HSD11B1: variants seen among roughly 807,000 people sequenced by gnomAD.
HSD11B1 encodes the protein hydroxysteroid 11-beta dehydrogenase 1.
Under a neutral mutation model 22.1 loss-of-function variants are expected in HSD11B1, and 15 were observed. The observed-to-expected ratio is 0.68, with a 90% confidence interval of 0.45 to 1.04. The LOEUF (loss-of-function observed/expected upper bound fraction) is 1.04. Ranked by LOEUF, HSD11B1 falls within the 50% of genes least tolerant of loss-of-function variation. HSD11B1 has a pLI of 0.00. For synonymous variants in HSD11B1, 122 were observed against 125.2 expected (o/e 0.97, Z 0.17); for missense variants, 281 against 357.6 (o/e 0.79, Z 1.73).
At chr1:209,718,702 T>A (rs916076497) in intron 4 of HSD11B1, among the ~76,000 whole-genome samples, 1 of 152,112 alleles carries the variant, frequency 6.6e-6, no homozygotes, top group Non-Finnish European at 1.5e-5. Context: ...AATTATCATG[T>A]GATCCAGCCA....
At position 209,721,885 on chromosome 1, in the gene HSD11B1, T is replaced by C. The variant is rs577915879; in HGVS notation, c.518-10551T>C. 1.1e-3 allele frequency among the ~76,000 whole-genome samples: 174 copies of C among 152,292 alleles called. 1 individual carries two copies. The highest frequency in any genetic ancestry group is 4.0e-3 in the African/African-American group (166 of 41,560). On this transcript the variant is annotated intron_variant, in intron 4 of 5. Coordinates refer to ENST00000367027, the MANE Select transcript of HSD11B1 (RefSeq NM_005525.4). ...GTTGCCTTTAGACTTTAGATGTGAG[T>C]CAAATTCCAGTCCCTGAACTCCAGG...
intron 1 of HSD11B1, among the ~76,000 whole-genome samples, chr1:209,688,979 C>G (rs761585194): frequency 6.6e-6 from 1 of 152,136 alleles, no homozygotes; most frequent in Non-Finnish European, 1.5e-5. Flanking sequence ...GTTGGAGGAA[C>G]AGGTGGGGGT....
intron 4 of HSD11B1, among the ~76,000 whole-genome samples, chr1:209,708,084 T>G (rs2076871911): frequency 6.6e-6 from 1 of 151,522 alleles, no homozygotes; most frequent in Non-Finnish European, 1.5e-5. Context: ...TCAAGAGAGG[T>G]CCCTGGTGTT....
chr1:209,723,510 C>T (rs373644091), intron 4 of HSD11B1, among the ~76,000 whole-genome samples: 29 of 152,282 alleles, frequency 1.9e-4, no homozygotes, highest in African/African-American at 6.5e-4. Flanking sequence ...TGAGCTAGGG[C>T]AGATGGCAAC....
At chr1:209,693,066 A>C (rs2076770739) in intron 1 of HSD11B1, among the ~76,000 whole-genome samples, 1 of 152,146 alleles carries the variant, frequency 6.6e-6, no homozygotes, top group African/African-American at 2.4e-5. Flanking sequence ...TAGCCATCCG[A>C]GCTGTCTCTC....
intron 5 of HSD11B1, among the ~76,000 whole-genome samples, chr1:209,733,084 C>A (rs2077045656): frequency 6.6e-6 from 1 of 152,208 alleles, no homozygotes; most frequent in Admixed American, 6.5e-5. Flanking sequence ...ACATTCATCA[C>A]TTAACCCTTT....
intron 1 of HSD11B1, among the ~76,000 whole-genome samples, chr1:209,688,482 C>T (rs2076740854): frequency 6.6e-6 from 1 of 152,168 alleles, no homozygotes; most frequent in African/African-American, 2.4e-5. Flanking sequence ...ATTAGTGAGG[C>T]TTTGTATTCC....
At chr1:209,726,520 G>A (rs1165278706) in intron 4 of HSD11B1, among the ~76,000 whole-genome samples, 3 of 152,134 alleles carry the variant, frequency 2.0e-5, no homozygotes, top group Non-Finnish European at 4.4e-5. Context: ...GTGGGAGGAT[G>A]AGCTATGATC....
intron 4 of HSD11B1, among the ~76,000 whole-genome samples, chr1:209,707,736 A>C (rs1455005639): frequency 6.6e-6 from 1 of 152,194 alleles, no homozygotes; most frequent in African/African-American, 2.4e-5. Flanking sequence ...AGGCTGCTGG[A>C]GGTACAGCTT....
intron 4 of HSD11B1, among the ~76,000 whole-genome samples, chr1:209,726,395 G>C (rs2077002105): frequency 1.3e-5 from 2 of 151,584 alleles, no homozygotes; most frequent in South Asian, 4.2e-4. Flanking sequence ...TTGATGCCAG[G>C]GATTTTAGGC....
intron 4 of HSD11B1, among the ~76,000 whole-genome samples, chr1:209,723,825 T>A (rs2076983384): frequency 6.6e-6 from 1 of 152,220 alleles, no homozygotes; most frequent in African/African-American, 2.4e-5. Flanking sequence ...GCTAATATAT[T>A]GGTCTTCTCT....
intron 1 of HSD11B1, among the ~76,000 whole-genome samples, chr1:209,690,241 G>C (rs758845603): frequency 2.6e-5 from 4 of 152,194 alleles, no homozygotes; most frequent in African/African-American, 9.6e-5. Context: ...AGGAGGTTGA[G>C]GCTGCAATAA....
At chr1:209,727,108 A>G (rs1050623618) in intron 4 of HSD11B1, among the ~76,000 whole-genome samples, 7 of 152,228 alleles carry the variant, frequency 4.6e-5, no homozygotes, top group Admixed American at 4.6e-4. Context: ...GAATCCAATG[A>G]CAAGTAACCT....
At chr1:209,703,513 C>G (rs1396053803), upstream of HSD11B1, among the ~76,000 whole-genome samples, 1 of 152,192 alleles carries the variant, frequency 6.6e-6, no homozygotes, top group East Asian at 1.9e-4. Context: ...TAGCCCTCAA[C>G]TGTTCTCAAA....
At chr1:209,701,591 C>T (rs769591203), upstream of HSD11B1, among the ~76,000 whole-genome samples, 1 of 152,218 alleles carries the variant, frequency 6.6e-6, no homozygotes, top group Non-Finnish European at 1.5e-5. Context: ...CCTCTGAACA[C>T]AGTGTTTACC....
chr1:209,689,912 T>C (rs542568637), intron 1 of HSD11B1, among the ~76,000 whole-genome samples: 1 of 152,298 alleles, frequency 6.6e-6, no homozygotes, highest in Admixed American at 6.5e-5. Flanking sequence ...AGAGGAAATC[T>C]AGAAAGCCAA....
intron 1 of HSD11B1, among the ~76,000 whole-genome samples, chr1:209,692,485 G>A (rs1159003422): frequency 6.6e-6 from 1 of 151,950 alleles, no homozygotes; most frequent in Non-Finnish European, 1.5e-5. Context: ...GGGTAAGGAG[G>A]GTTCTGGCTG....
intron 4 of HSD11B1, chr1:209,724,177 A>G (rs1558197923): frequency 1.3e-5 from 2 of 152,172 alleles, no homozygotes; most frequent in African/African-American, 2.4e-5. Context: ...GTGTGACACA[A>G]TTTGGGCTAT....
chr1:209,707,603 G>C (rs963392004), intron 4 of HSD11B1, among the ~76,000 whole-genome samples: 5 of 152,100 alleles, frequency 3.3e-5, no homozygotes, highest in African/African-American at 7.2e-5. Flanking sequence ...CATAAAAAAT[G>C]AAGGATTGGT....
Sources: gnomAD v4.1 joint callset for allele counts (sites outside exome capture counted in the v4.1 genomes callset) on GRCh38, gnomAD v4.1.1 for gene constraint, MANE v1.5 for transcripts, NCBI Gene and HGNC (gene_info 2026-07-23, HGNC 2026-07-21) for gene names.